The following SYN3 variants were observed in gnomAD, a reference collection of about 807,000 sequenced individuals.
SYN3 encodes the protein synapsin-3.
A neutral mutation model predicts 65.8 loss-of-function variants in SYN3; 35 were observed. The observed-to-expected ratio is 0.53, with a 90% CI of 0.41 to 0.70. SYN3 has a LOEUF of 0.70. Ranked by LOEUF, SYN3 falls within the 30% of genes least tolerant of loss-of-function variation. The pLI is 0.00. For synonymous variants in SYN3, 270 were observed against 292.9 expected (o/e 0.92, Z 0.80); for missense variants, 680 against 749.0 (o/e 0.91, Z 1.08).
At chr22:32,802,545 C>A (rs981371577) in intron 6 of SYN3, among the ~76,000 whole-genome samples, 6 of 151,906 alleles carry the variant, frequency 3.9e-5, no homozygotes, top group Admixed American at 1.3e-4. Flanking sequence ...GCCATGTGCA[C>A]GGAAAGTTGC....
chr22:33,008,945 A>G (rs1314480762), intron 1 of SYN3, among the ~76,000 whole-genome samples: 1 of 90,088 alleles, frequency 1.1e-5, no homozygotes, highest in African/African-American at 4.2e-5. Flanking sequence ...AAAAAAAAAA[A>G]AAAAAAAAAA....
At chr22:32,852,728 A>T (rs2048255706) in intron 6 of SYN3, among the ~76,000 whole-genome samples, 1 of 146,850 alleles carries the variant, frequency 6.8e-6, no homozygotes, top group African/African-American at 2.5e-5. Context: ...GTACACAGAG[A>T]CCTGCGATAT....
intron 6 of SYN3, among the ~76,000 whole-genome samples, chr22:32,782,505 C>CTTGTAGGT (rs1476269271): frequency 2.1e-4 from 32 of 150,834 alleles, no homozygotes; most frequent in African/African-American, 7.8e-4. Flanking sequence ...CCTGGCCAGG[C>CTTGTAGGT]CTTGTAATTC....
chr22:33,025,433 C>CAAAAAAA (rs33919912), intron 1 of SYN3, among the ~76,000 whole-genome samples: 2 of 78,736 alleles, frequency 2.5e-5, no homozygotes, highest in African/African-American at 4.8e-5. Flanking sequence ...GACTCCGTCT[C>CAAAAAAA]AAAAAAAAAA....
At chr22:33,012,467 C>T (rs918829519) in intron 1 of SYN3, among the ~76,000 whole-genome samples, 3 of 152,182 alleles carry the variant, frequency 2.0e-5, no homozygotes, top group Admixed American at 1.3e-4. Flanking sequence ...GGAAAGAATG[C>T]ATATTTTGTG....
intron 1 of SYN3, among the ~76,000 whole-genome samples, chr22:33,033,909 G>T (rs763287542): frequency 4.6e-5 from 7 of 152,034 alleles, no homozygotes; most frequent in Non-Finnish European, 7.4e-5. Flanking sequence ...AATTAGCCAG[G>T]CACGGTGGTT....
intron 5 of SYN3, 66 bp from the exon 6 acceptor site, chr22:32,865,070 G>T (rs1186599764): frequency 7.8e-7 from 1 of 1,287,322 alleles, no homozygotes; most frequent in Non-Finnish European, 1.1e-6. Context: ...CCTCCCACTT[G>T]ATCTGAGGCC....
At chr22:33,000,889 G>A (rs916555923) in intron 2 of SYN3, among the ~76,000 whole-genome samples, 1 of 152,160 alleles carries the variant, frequency 6.6e-6, no homozygotes, top group Non-Finnish European at 1.5e-5. Flanking sequence ...CCTGCTGGCC[G>A]CTCCTGGTGG....
intron 7 of SYN3, among the ~76,000 whole-genome samples, chr22:32,546,516 G>A (rs1024644791): frequency 7.9e-5 from 12 of 152,112 alleles, no homozygotes; most frequent in African/African-American, 2.7e-4. Context: ...GGATTCTGGC[G>A]AAGAGGGGAG....
intron 6 of SYN3, among the ~76,000 whole-genome samples, chr22:32,669,373 C>T (rs2060331266): frequency 6.6e-6 from 1 of 152,200 alleles, no homozygotes; most frequent in Non-Finnish European, 1.5e-5. Context: ...AATGGAACCA[C>T]ATGGTCTGTT....
At chr22:32,699,746 C>T (rs1468198438) in intron 6 of SYN3, among the ~76,000 whole-genome samples, 1 of 152,118 alleles carries the variant, frequency 6.6e-6, no homozygotes, top group African/African-American at 2.4e-5. Context: ...TCTACAGGGC[C>T]TCTCCTCTAG....
chr22:32,644,634 G>A (rs567669202), intron 6 of SYN3, among the ~76,000 whole-genome samples: 40 of 152,276 alleles, frequency 2.6e-4, no homozygotes, highest in African/African-American at 8.4e-4. Context: ...GGTTATTTTC[G>A]TTTTTCCCTT....
At chr22:32,740,281 G>A (rs1197904245) in intron 6 of SYN3, among the ~76,000 whole-genome samples, 2 of 152,160 alleles carry the variant, frequency 1.3e-5, no homozygotes, top group African/African-American at 4.8e-5. Flanking sequence ...GGGCCCGAGA[G>A]GTGCAATGTG....
rs114714961 is a variant in SYN3 at position 32,752,767 on chromosome 22, T to A, written c.711+112148A>T. 9.5e-3 allele frequency among the ~76,000 whole-genome samples: 1,441 copies of A among 152,230 alleles called. 24 individuals are homozygous for A. The highest frequency in any genetic ancestry group is 0.033 in the African/African-American group (1,359 of 41,544). ...TTGTCGATCTCTGATCGACAGGAGA[T>A]CAGAGAGTTCCTGAAGCAGAGATGG... On this transcript the variant is annotated intron_variant, in intron 6 of 13. Coordinates refer to ENST00000358763, the MANE Select transcript of SYN3 (RefSeq NM_003490.4).
chr22:32,628,936 G>A (rs887033665), intron 6 of SYN3, among the ~76,000 whole-genome samples: 1 of 152,134 alleles, frequency 6.6e-6, no homozygotes, highest in Non-Finnish European at 1.5e-5. Flanking sequence ...GCCCTGTTGG[G>A]CTCTTTAGGG....
intron 7 of SYN3, among the ~76,000 whole-genome samples, chr22:32,583,031 C>G (rs978558189): frequency 6.6e-6 from 1 of 152,160 alleles, no homozygotes; most frequent in African/African-American, 2.4e-5. Flanking sequence ...GAGGACAGAG[C>G]TATTGGTATG....
intron 6 of SYN3, among the ~76,000 whole-genome samples, chr22:32,853,184 T>C (rs1367000292): frequency 6.6e-6 from 1 of 152,222 alleles, no homozygotes; most frequent in African/African-American, 2.4e-5. Flanking sequence ...CCATTCTTCT[T>C]GCAATGCCCG....
intron 9 of SYN3, 89 bp downstream of exon 9, chr22:32,537,947 G>A: frequency 8.5e-7 from 1 of 1,181,694 alleles, no homozygotes; most frequent in Non-Finnish European, 1.3e-6. Context: ...GGAGGGCGGA[G>A]TGGCCTTCTC....
At chr22:32,697,878 T>C (rs2060758620) in intron 6 of SYN3, among the ~76,000 whole-genome samples, 1 of 152,186 alleles carries the variant, frequency 6.6e-6, no homozygotes, top group African/African-American at 2.4e-5. Flanking sequence ...TGCTTGAACT[T>C]TGATACTCTG....
Sources: allele counts gnomAD v4.1 joint callset (sites outside exome capture counted in the v4.1 genomes callset), GRCh38; gene constraint gnomAD v4.1.1; transcripts MANE v1.5; gene names NCBI Gene and HGNC (gene_info 2026-07-23, HGNC 2026-07-21).